The following LAMA2 variants were observed in gnomAD, a reference collection of about 807,000 sequenced individuals.
LAMA2 encodes the protein laminin subunit alpha 2, also known as laminin subunit alpha-2.
LAMA2 carries 269 observed loss-of-function variants against 364.8 expected under a neutral mutation model. The observed-to-expected ratio is 0.74, with a 90% confidence interval of 0.67 to 0.82. The LOEUF (loss-of-function observed/expected upper bound fraction) is 0.82, where lower values mean the gene tolerates loss of function less well. LAMA2 is among the 40% of genes least tolerant of loss of function. The pLI is 0.00. For missense variants in LAMA2, 3,807 were observed against 3,873.2 expected, an observed-to-expected ratio of 0.98 and a Z score of 0.45; for synonymous variants, 1,379 against 1,370.6, an observed-to-expected ratio of 1.01 and a Z score of -0.14.
intron 1 of LAMA2, among the ~76,000 whole-genome samples, chr6:128,974,886 C>T (rs1562885644): frequency 6.8e-6 from 1 of 148,098 alleles, no homozygotes; most frequent in South Asian, 2.1e-4. Flanking sequence ...GAGTCTCACT[C>T]TGTTGCCCAG....
At chr6:129,183,869 C>T (rs1248412943) in intron 10 of LAMA2, among the ~76,000 whole-genome samples, 1 of 151,760 alleles carries the variant, frequency 6.6e-6, no homozygotes, top group South Asian at 2.1e-4. Flanking sequence ...TACCATTGCA[C>T]AATAAGAAGA....
intron 3 of LAMA2, among the ~76,000 whole-genome samples, chr6:129,073,230 A>G (rs1773430697): frequency 6.6e-6 from 1 of 152,138 alleles, no homozygotes. Context: ...TCATGAAGTA[A>G]GCGGAAAGTC....
intron 1 of LAMA2, among the ~76,000 whole-genome samples, chr6:128,913,785 A>T (rs907563242): frequency 6.6e-6 from 1 of 152,216 alleles, no homozygotes; most frequent in Non-Finnish European, 1.5e-5. Context: ...ACCTCAGCAC[A>T]TGGAGAATCT....
chr6:129,403,106 G>T (rs1780065881), intron 39 of LAMA2, among the ~76,000 whole-genome samples: 1 of 152,146 alleles, frequency 6.6e-6, no homozygotes, highest in South Asian at 2.1e-4. Flanking sequence ...ACAATTTTGG[G>T]ATTGTCGTAA....
At chr6:129,230,148 G>A (rs1270619358) in intron 12 of LAMA2, among the ~76,000 whole-genome samples, 2 of 152,128 alleles carry the variant, frequency 1.3e-5, no homozygotes, top group African/African-American at 4.8e-5. Context: ...GGAAACTGAG[G>A]ACGAACTAGA....
intron 3 of LAMA2, among the ~76,000 whole-genome samples, chr6:129,093,145 A>T (rs1285535896): frequency 6.7e-6 from 1 of 148,792 alleles, no homozygotes; most frequent in Non-Finnish European, 1.5e-5. Flanking sequence ...ACCACCCCCG[A>T]CTAATTTTTT....
chr6:129,357,473 T>C (rs1777212910), intron 32 of LAMA2, among the ~76,000 whole-genome samples: 1 of 152,068 alleles, frequency 6.6e-6, no homozygotes, highest in South Asian at 2.1e-4. Context: ...TATCAGCTTT[T>C]ATTATTTATA....
intron 12 of LAMA2, among the ~76,000 whole-genome samples, chr6:129,248,181 A>G (rs1260950700): frequency 6.6e-6 from 1 of 152,150 alleles, no homozygotes; most frequent in Non-Finnish European, 1.5e-5. Flanking sequence ...TCCTTATGAG[A>G]ATCTAATGCC....
chr6:129,436,063 A>G (rs1583744130), intron 41 of LAMA2, among the ~76,000 whole-genome samples: 1 of 152,334 alleles, frequency 6.6e-6, no homozygotes, highest in Middle Eastern at 3.4e-3. Flanking sequence ...AATAACATGA[A>G]GATAGCAAAT....
intron 52 of LAMA2, 63 bp from the exon 53 acceptor site, chr6:129,475,327 A>G (rs1181937477): frequency 1.1e-6 from 1 of 949,656 alleles, no homozygotes; most frequent in East Asian, 2.6e-5. Flanking sequence ...TACTAAATGA[A>G]AATGTAATTA....
intron 4 of LAMA2, among the ~76,000 whole-genome samples, chr6:129,134,465 G>A (rs1017360161): frequency 3.9e-5 from 6 of 152,112 alleles, no homozygotes; most frequent in South Asian, 2.1e-4. Flanking sequence ...GTTCTTTTCC[G>A]GAGAATAATG....
At chr6:129,515,318 A>G (rs1786961012) in intron 64 of LAMA2, among the ~76,000 whole-genome samples, 1 of 152,236 alleles carries the variant, frequency 6.6e-6, no homozygotes, top group Non-Finnish European at 1.5e-5. Flanking sequence ...ATATTCAGCA[A>G]TTGTTGACAG....
At chr6:128,981,915 G>A (rs1226194852) in intron 1 of LAMA2, among the ~76,000 whole-genome samples, 4 of 152,088 alleles carry the variant, frequency 2.6e-5, no homozygotes, top group South Asian at 2.1e-4. Context: ...TTGGGAAGCC[G>A]TTCTCTAGTT....
chr6:129,104,086 A>ACTGCAG (rs1775681801), intron 4 of LAMA2, among the ~76,000 whole-genome samples: 10 of 151,718 alleles, frequency 6.6e-5, no homozygotes, highest in Admixed American at 5.9e-4. Context: ...GTCCAGTGGC[A>ACTGCAG]TGATTATAGC....
intron 12 of LAMA2, among the ~76,000 whole-genome samples, chr6:129,245,310 T>C (rs1271851420): frequency 6.6e-6 from 1 of 152,118 alleles, no homozygotes; most frequent in Non-Finnish European, 1.5e-5. Context: ...TGCCTCAAAG[T>C]GAACTAAAAT....
rs368072921 is a variant in LAMA2, at chr6:129,366,211, T to A, written c.4718-8T>A. On this transcript the variant is annotated splice_polypyrimidine_tract_variant and splice_region_variant and intron_variant, in intron 32 of 64. Transcript: ENST00000421865. ...AAGTAACTACTCTTTGTCACTTCTC[T>A]TTCACAGTTTGTGGAGATGAGTGCA... is the stretch of plus-strand genomic sequence containing the variant. The A allele has an allele frequency of 1.9e-6, 3 of 1,613,728 alleles. No individual in the cohort carries two copies. The South Asian group carries it at 3.3e-5, about 18-fold the overall frequency.
chr6:129,093,210 C>T (rs958865512), intron 3 of LAMA2, among the ~76,000 whole-genome samples: 18 of 151,242 alleles, frequency 1.2e-4, no homozygotes, highest in African/African-American at 3.4e-4. Flanking sequence ...AGGCTGGTCT[C>T]GAACTCCTGA....
chr6:129,327,412 A>G (rs1348985528), intron 28 of LAMA2, among the ~76,000 whole-genome samples: 2 of 152,296 alleles, frequency 1.3e-5, no homozygotes, highest in African/African-American at 4.8e-5. Context: ...GTGAAAAAAA[A>G]AAATTCTACT....
chr6:129,441,486 C>T (rs150538668), intron 43 of LAMA2, among the ~76,000 whole-genome samples: 1 of 152,106 alleles, frequency 6.6e-6, no homozygotes, highest in Non-Finnish European at 1.5e-5. Context: ...AGTTACATCA[C>T]ATTTCTGGGA....
Sources: gnomAD v4.1 joint callset for allele counts (sites outside exome capture counted in the v4.1 genomes callset) on GRCh38, gnomAD v4.1.1 for gene constraint, MANE v1.5 for transcripts, NCBI Gene and HGNC (gene_info 2026-07-23, HGNC 2026-07-21) for gene names.